Variants in ITGA11 observed in about 807,000 individuals in gnomAD.
The protein encoded by ITGA11 is integrin alpha-11.
In ITGA11, 97 loss-of-function variants were observed where a neutral mutation model predicts 141.9. The observed-to-expected ratio is 0.68, with a 90% CI of 0.58 to 0.81. The LOEUF (loss-of-function observed/expected upper bound fraction) is 0.81. ITGA11 is among the 30% of genes least tolerant of loss of function. The pLI is 0.00. For synonymous variants in ITGA11, 658 were observed against 624.6 expected (o/e 1.05, Z -0.80); for missense variants, 1,387 against 1,559.2 (o/e 0.89, Z 1.86).
chr15:68,344,001 C>T (rs1894655529), intron 10 of ITGA11, among the ~76,000 whole-genome samples: 2 of 152,192 alleles, frequency 1.3e-5, no homozygotes, highest in Non-Finnish European at 2.9e-5. Context: ...GCGTGCTACA[C>T]TGACTGCTCA....
chr15:68,345,163 A>G (rs1894704818), intron 10 of ITGA11, among the ~76,000 whole-genome samples: 2 of 152,138 alleles, frequency 1.3e-5, no homozygotes, highest in African/African-American at 4.8e-5. Flanking sequence ...GACAGCCAGC[A>G]CTAATGGAAG....
At chr15:68,331,228 G>A (rs1227998226) in intron 14 of ITGA11, 117 bp from the exon 15 acceptor site, 3 of 933,206 alleles carry the variant, frequency 3.2e-6, no homozygotes, top group African/African-American at 3.3e-5. Flanking sequence ...CCACCAAGAA[G>A]CTTCCCCAAC....
Position 68,296,962 on chromosome 15 carries a change from C to T in ITGA11, c.*6097G>A, listed in dbSNP as rs1892922280. 6.6e-6 allele frequency: 1 copy of T among 151,870 alleles called. No homozygotes were observed. Among genetic ancestry groups the T allele is most frequent in the Non-Finnish European group, 1.5e-5 (1 of 67,996 alleles). The allele number at this position is 151,870 out of a possible 1,614,324, so 9.4% of individuals were successfully genotyped here. On this transcript the variant is annotated 3_prime_UTR_variant, in exon 30 of 30. Transcript: ENST00000315757. ...GTTTTTGTTTGTTTGTTTTTTGAGACAGGGTTTCATTCTGTCACCCAGGCT... is the reference window on the plus strand; with the variant it reads ...GTTTTTGTTTGTTTGTTTTTTGAGATAGGGTTTCATTCTGTCACCCAGGCT...
At chr15:68,390,829 G>T (rs917284277) in intron 2 of ITGA11, among the ~76,000 whole-genome samples, 2 of 152,208 alleles carry the variant, frequency 1.3e-5, no homozygotes, top group African/African-American at 4.8e-5. Context: ...GGGAAGGTTG[G>T]CAGAGGTTCT....
intron 14 of ITGA11, 128 bp downstream of exon 14, chr15:68,331,731 G>T: frequency 1.2e-6 from 1 of 824,510 alleles, no homozygotes. Flanking sequence ...GGCCAGGACA[G>T]ATTGGCATCC....
intron 1 of ITGA11, among the ~76,000 whole-genome samples, 178 bp from the exon 2 acceptor site, chr15:68,403,207 T>G (rs1209092827): frequency 1.3e-5 from 2 of 152,146 alleles, no homozygotes; most frequent in Non-Finnish European, 2.9e-5. Context: ...AGTCCTTGCC[T>G]GGTAGGGCCC....
chr15:68,359,127 T>C (rs1045068439), intron 5 of ITGA11, among the ~76,000 whole-genome samples: 13 of 151,996 alleles, frequency 8.6e-5, no homozygotes, highest in African/African-American at 2.4e-4. Flanking sequence ...GGCACAACAA[T>C]AGTAAAGAGT....
At chr15:68,353,911 C>T (rs545109101) in intron 7 of ITGA11, among the ~76,000 whole-genome samples, 7 of 152,244 alleles carry the variant, frequency 4.6e-5, no homozygotes, top group Admixed American at 1.3e-4. Context: ...TCACTCACCC[C>T]CACCCACACT....
intron 2 of ITGA11, among the ~76,000 whole-genome samples, chr15:68,397,815 A>G (rs1355338705): frequency 5.0e-5 from 7 of 141,082 alleles, no homozygotes; most frequent in Non-Finnish European, 3.1e-5. Flanking sequence ...TAATAATATT[A>G]TATATTATTA....
At chr15:68,339,797 C>A (rs1430600165) in intron 10 of ITGA11, among the ~76,000 whole-genome samples, 153 bp from the exon 11 acceptor site, 1 of 152,206 alleles carries the variant, frequency 6.6e-6, no homozygotes, top group African/African-American at 2.4e-5. Flanking sequence ...CTGGCTGGGG[C>A]TCTTGGCTTT....
intron 23 of ITGA11, 128 bp downstream of exon 23, chr15:68,313,651 T>C: frequency 1.5e-6 from 1 of 683,762 alleles, no homozygotes; most frequent in Non-Finnish European, 2.5e-6. Flanking sequence ...CACTCTTGGC[T>C]CCATCCATAG....
chr15:68,350,423 G>A (rs1353842657), intron 9 of ITGA11, among the ~76,000 whole-genome samples, 194 bp downstream of exon 9: 1 of 152,082 alleles, frequency 6.6e-6, no homozygotes, highest in East Asian at 1.9e-4. Context: ...CTCCTGAACT[G>A]AAGCAATTCG....
chr15:68,331,967 C>G lies in ITGA11; in HGVS notation c.1662G>C (p.Gln554His). Residue 554 changes from glutamine (Q) to histidine (H), a missense_variant, in exon 14 of 30, where the codon CAG becomes CAC. By Grantham distance (24) the Gln-to-His change is conservative. Coordinates refer to ENST00000315757, the MANE Select transcript of ITGA11 (RefSeq NM_001004439.2). The part of the protein sequence containing the change: ...SSIASVRDLN[Q>H]DSYNDVVVGA... ...CCACCACCACGTCATTGTAGGAATC[C>G]TGGTTGAGGTCTCGAACTGAGGCAA... 1 of 1,613,322 alleles carries G rather than the reference C, an allele frequency of 6.2e-7. No homozygotes were observed. Among genetic ancestry groups the G allele is most frequent in the Non-Finnish European group, 8.5e-7 (1 of 1,179,676 alleles).
At chr15:68,401,884 T>C (rs536013293) in intron 2 of ITGA11, among the ~76,000 whole-genome samples, 1 of 152,124 alleles carries the variant, frequency 6.6e-6, no homozygotes, top group East Asian at 1.9e-4. Flanking sequence ...TTTACAAAAA[T>C]CAAAAAGAAT....
intron 7 of ITGA11, among the ~76,000 whole-genome samples, chr15:68,353,086 G>A (rs1240913854): frequency 6.6e-6 from 1 of 152,226 alleles, no homozygotes; most frequent in African/African-American, 2.4e-5. Context: ...TTTAAGCTCT[G>A]TAGTGACAGG....
chr15:68,403,061 G>A, intron 1 of ITGA11, 32 bp from the exon 2 acceptor site: 2 of 1,477,606 alleles, frequency 1.4e-6, no homozygotes, highest in East Asian at 2.3e-5. Context: ...GGAGAAGCAG[G>A]GGAGTCAGAC....
In ITGA11 at chr15:68,311,003, A is replaced by C. The variant is rs1201093878; in HGVS notation, c.3165T>G (p.Ala1055=). 1.2e-6 allele frequency: 2 copies of C among 1,601,668 alleles called. No individual in the cohort carries two copies. The highest frequency in any genetic ancestry group is 2.7e-5 in the African/African-American group (2 of 74,638). The change falls in exon 26 of 30, where the codon GCT becomes GCG. Residue 1055 remains alanine (A), a synonymous_variant. Coordinates refer to ENST00000315757, the MANE Select transcript of ITGA11 (RefSeq NM_001004439.2). ...TCTGGGGGACACTCACCAGCTGTGGAGCACGACGCAAGTCTTCCTCCACTG... is the reference window on the plus strand; with the variant it reads ...TCTGGGGGACACTCACCAGCTGTGGCGCACGACGCAAGTCTTCCTCCACTG... ...PTPVEEDLRR[A]PQLNHSNSDV... is the part of the protein sequence containing the mutation.
At chr15:68,382,008 C>T (rs531988667) in intron 2 of ITGA11, among the ~76,000 whole-genome samples, 1 of 152,216 alleles carries the variant, frequency 6.6e-6, no homozygotes, top group Non-Finnish European at 1.5e-5. Context: ...GACACAGAAG[C>T]CGGCCTTGGG....
chr15:68,356,970 T>C (rs374667007), intron 7 of ITGA11, 181 bp downstream of exon 7: 83 of 600,264 alleles, frequency 1.4e-4, no homozygotes, highest in East Asian at 1.1e-3. Flanking sequence ...AGACTGCAAC[T>C]ACCTGAGAGG....
Sources: gnomAD v4.1 joint callset for allele counts (sites outside exome capture counted in the v4.1 genomes callset) on GRCh38, gnomAD v4.1.1 for gene constraint, MANE v1.5 for transcripts, NCBI Gene and HGNC (gene_info 2026-07-23, HGNC 2026-07-21) for gene names.